Variants in MAST4 observed in about 807,000 individuals in gnomAD.
The protein encoded by MAST4 is microtubule associated serine/threonine kinase family member 4.
In MAST4, 89 loss-of-function variants were observed where a neutral mutation model predicts 162.7. That is an observed-to-expected ratio of 0.55 (90% CI 0.46 to 0.65). The LOEUF (loss-of-function observed/expected upper bound fraction) is 0.65. MAST4 is among the 30% of genes least tolerant of loss of function. The pLI is 0.00. For missense variants in MAST4, 3,153 were observed against 3,374.0 expected, an observed-to-expected ratio of 0.93 and a Z score of 1.62; for synonymous variants, 1,479 against 1,361.1, an observed-to-expected ratio of 1.09 and a Z score of -1.91.
intron 3 of MAST4, among the ~76,000 whole-genome samples, chr5:66,794,264 C>A (rs1429825746): frequency 6.6e-6 from 1 of 152,174 alleles, no homozygotes; most frequent in Admixed American, 6.5e-5. Context: ...GCATGGGGTG[C>A]CTGAGCTCAA....
At chr5:66,628,347 T>A (rs1347840645) in intron 1 of MAST4, among the ~76,000 whole-genome samples, 1 of 151,336 alleles carries the variant, frequency 6.6e-6, no homozygotes, top group Non-Finnish European at 1.5e-5. Flanking sequence ...TTTCTTTTTT[T>A]TTTTTTTTTA....
chr5:66,672,724 C>A (rs1006166424), intron 1 of MAST4, among the ~76,000 whole-genome samples: 10 of 152,190 alleles, frequency 6.6e-5, no homozygotes, highest in African/African-American at 2.2e-4. Context: ...CTGGCCACCA[C>A]AAAGAGTGCT....
At chr5:66,786,781 A>C (rs1301847205) in intron 2 of MAST4, among the ~76,000 whole-genome samples, 1 of 152,228 alleles carries the variant, frequency 6.6e-6, no homozygotes, top group East Asian at 1.9e-4. Context: ...TACCTTGCCC[A>C]AAAATATGTC....
intron 3 of MAST4, among the ~76,000 whole-genome samples, chr5:66,795,392 T>C (rs1375187137): frequency 6.6e-6 from 1 of 152,212 alleles, no homozygotes; most frequent in Non-Finnish European, 1.5e-5. Context: ...CTCTAATGAT[T>C]TCTTCAGGTA....
chr5:66,898,355 G>A (rs367093), intron 3 of MAST4, among the ~76,000 whole-genome samples: 1 of 151,872 alleles, frequency 6.6e-6, no homozygotes. Flanking sequence ...CTCTCTTTTT[G>A]TTTTCTTTAA....
At chr5:66,924,300 C>T (rs1415632580) in intron 4 of MAST4, among the ~76,000 whole-genome samples, 1 of 152,080 alleles carries the variant, frequency 6.6e-6, no homozygotes, top group Non-Finnish European at 1.5e-5. Flanking sequence ...GGAGAATAAA[C>T]TGATATGTGT....
chr5:66,748,171 C>T (rs1752882155), intron 1 of MAST4, among the ~76,000 whole-genome samples: 1 of 152,048 alleles, frequency 6.6e-6, no homozygotes, highest in Non-Finnish European at 1.5e-5. Context: ...TTCCTCTCCT[C>T]AACTCCAATG....
At chr5:66,750,082 T>G (rs1158913750) in intron 1 of MAST4, among the ~76,000 whole-genome samples, 1 of 152,226 alleles carries the variant, frequency 6.6e-6, no homozygotes, top group Non-Finnish European at 1.5e-5. Flanking sequence ...TTAAGATATT[T>G]AATATCAAGA....
intron 3 of MAST4, among the ~76,000 whole-genome samples, chr5:66,845,328 C>T (rs1186936403): frequency 2.0e-5 from 3 of 151,634 alleles, no homozygotes; most frequent in African/African-American, 4.9e-5. Context: ...TCCAAGTGTT[C>T]TCATTGTTCA....
intron 4 of MAST4, among the ~76,000 whole-genome samples, chr5:66,925,612 C>T (rs1366172265): frequency 6.6e-6 from 1 of 152,080 alleles, no homozygotes; most frequent in Non-Finnish European, 1.5e-5. Context: ...GGAAGATTTC[C>T]CAGAGTTCCT....
chr5:67,021,019 C>G (rs775543626), intron 4 of MAST4, among the ~76,000 whole-genome samples: 29 of 152,216 alleles, frequency 1.9e-4, no homozygotes, highest in Non-Finnish European at 2.8e-4. Flanking sequence ...AACCTCTTAC[C>G]TAGGACAATC....
intron 4 of MAST4, among the ~76,000 whole-genome samples, chr5:66,934,655 T>G (rs1331992603): frequency 6.6e-6 from 1 of 152,192 alleles, no homozygotes; most frequent in Non-Finnish European, 1.5e-5. Flanking sequence ...CAGATTACTT[T>G]TAGTGGATTA....
At chr5:66,702,309 C>CTACG (rs1749831769) in intron 1 of MAST4, among the ~76,000 whole-genome samples, 1 of 152,170 alleles carries the variant, frequency 6.6e-6, no homozygotes, top group African/African-American at 2.4e-5. Flanking sequence ...TTAGAACTTT[C>CTACG]TACGGGCAGG....
intron 1 of MAST4, among the ~76,000 whole-genome samples, chr5:66,617,383 G>A (rs187567960): frequency 6.6e-6 from 1 of 152,196 alleles, no homozygotes; most frequent in African/African-American, 2.4e-5. Context: ...TAAGGAAAGT[G>A]AAACTTACAG....
intron 1 of MAST4, among the ~76,000 whole-genome samples, chr5:66,732,267 T>C (rs987124525): frequency 2.6e-5 from 4 of 152,100 alleles, no homozygotes; most frequent in African/African-American, 7.2e-5. Flanking sequence ...TGGCAGACTC[T>C]CCTTCCTACT....
chr5:66,767,170 C>CGTGTGTGTGTGTGTGTGT (rs60766673), intron 2 of MAST4, among the ~76,000 whole-genome samples: 37 of 139,562 alleles, frequency 2.7e-4, no homozygotes, highest in African/African-American at 1.0e-3. Context: ...GTAAAGTGCA[C>CGTGTGTGTGTGTGTGTGT]GTGTGTGTGT....
intron 1 of MAST4, among the ~76,000 whole-genome samples, chr5:66,722,627 C>T (rs947252529): frequency 2.6e-5 from 4 of 152,250 alleles, no homozygotes; most frequent in Non-Finnish European, 5.9e-5. Flanking sequence ...ATTGAGGGAA[C>T]TCAATGAATA....
chr5:66,661,140 G>A (rs1746882332), intron 1 of MAST4, among the ~76,000 whole-genome samples: 2 of 152,176 alleles, frequency 1.3e-5, no homozygotes, highest in Admixed American at 6.5e-5. Flanking sequence ...CGTGAACATA[G>A]TGGCTTTACC....
At chr5:66,789,738 A>C (rs1268554255) in intron 3 of MAST4, 1 of 518,728 alleles carries the variant, frequency 1.9e-6, no homozygotes, top group East Asian at 5.4e-5. Context: ...TGTAGTTACC[A>C]CTTTCTCTCC....
Sources: allele counts gnomAD v4.1 joint callset (sites outside exome capture counted in the v4.1 genomes callset), GRCh38; gene constraint gnomAD v4.1.1; transcripts MANE v1.5; gene names NCBI Gene and HGNC (gene_info 2026-07-23, HGNC 2026-07-21).